Variants in FHIT observed in about 807,000 individuals in gnomAD.
FHIT encodes the protein bis(5'-adenosyl)-triphosphatase.
In FHIT, 19 loss-of-function variants were observed where a neutral mutation model predicts 17.9. The ratio of observed to expected loss-of-function variants is 1.06; its 90% CI spans 0.74 to 1.56. The LOEUF is 1.56. Ranked by LOEUF, FHIT falls within the 40% of genes most tolerant of loss-of-function variation. The pLI, the probability that FHIT is intolerant of heterozygous loss-of-function variation, is 0.00. For synonymous variants in FHIT, 81 were observed against 69.7 expected (o/e 1.16, Z -0.81); for missense variants, 248 against 189.2 (o/e 1.31, Z -1.82).
At chr3:60,392,786 G>T (rs1701283257) in intron 5 of FHIT, among the ~76,000 whole-genome samples, 1 of 152,162 alleles carries the variant, frequency 6.6e-6, no homozygotes, top group Non-Finnish European at 1.5e-5. Flanking sequence ...GGTGGAAATG[G>T]GTGGGGCCCA....
At chr3:59,886,334 C>G (rs1337213524) in intron 8 of FHIT, 2 of 152,212 alleles carry the variant, frequency 1.3e-5, no homozygotes, top group African/African-American at 4.8e-5. Context: ...GAATTAGGAC[C>G]AACTATTTAC....
At chr3:60,951,309 C>T (rs1388588825) in intron 3 of FHIT, among the ~76,000 whole-genome samples, 1 of 152,152 alleles carries the variant, frequency 6.6e-6, no homozygotes, top group Non-Finnish European at 1.5e-5. Flanking sequence ...CTTAGAGCTG[C>T]TTAACATTAT....
At chr3:60,818,169 G>A (rs1458453336) in intron 4 of FHIT, among the ~76,000 whole-genome samples, 1 of 151,868 alleles carries the variant, frequency 6.6e-6, no homozygotes, top group Non-Finnish European at 1.5e-5. Flanking sequence ...ATTATTTGTG[G>A]AGCATGGTTA....
chr3:60,616,358 C>T (rs1487576111), intron 4 of FHIT, among the ~76,000 whole-genome samples: 2 of 152,196 alleles, frequency 1.3e-5, no homozygotes, highest in African/African-American at 4.8e-5. Context: ...CAACATATTT[C>T]ATCACATTTT....
rs1383744537 is a variant in FHIT, at chr3:60,002,855, C to T, written c.279+8516G>A. On this transcript the variant is annotated intron_variant, in intron 7 of 9. Coordinates refer to ENST00000492590, the MANE Select transcript of FHIT (RefSeq NM_002012.4). ...AAGAATCAAGTCCAGGTCATCTAGA[C>T]CAAGAATCAAAATATATTTATAAAA... 8.6e-5 allele frequency among the ~76,000 whole-genome samples: 13 copies of T among 152,006 alleles called. 1 individual carries two copies. Among genetic ancestry groups the T allele is most frequent in the Admixed American group, 8.5e-4 (13 of 15,252 alleles).
chr3:59,930,731 G>T (rs184066668), intron 7 of FHIT, among the ~76,000 whole-genome samples: 8 of 152,296 alleles, frequency 5.3e-5, no homozygotes, highest in Admixed American at 5.2e-4. Context: ...GGAAACGTTG[G>T]GGGGTGGTAA....
At chr3:60,182,990 C>T (rs1702007197) in intron 5 of FHIT, among the ~76,000 whole-genome samples, 1 of 151,804 alleles carries the variant, frequency 6.6e-6, no homozygotes, top group Non-Finnish European at 1.5e-5. Context: ...CATGACAACT[C>T]CCCCTCTGCC....
chr3:60,361,934 T>G (rs570553082), intron 5 of FHIT, among the ~76,000 whole-genome samples: 1 of 152,024 alleles, frequency 6.6e-6, no homozygotes, highest in Admixed American at 6.6e-5. Flanking sequence ...ACAAAAAAAG[T>G]TTTCTCCTTC....
intron 3 of FHIT, among the ~76,000 whole-genome samples, chr3:60,881,497 CACATGGA>C (rs1704976496): frequency 6.6e-6 from 1 of 152,124 alleles, no homozygotes; most frequent in African/African-American, 2.4e-5. Context: ...TTTTCATCAG[CACATGGA>C]ACATCCTCAA....
chr3:60,507,367 G>A (rs935169520), intron 5 of FHIT, among the ~76,000 whole-genome samples: 1 of 152,194 alleles, frequency 6.6e-6, no homozygotes, highest in Non-Finnish European at 1.5e-5. Flanking sequence ...CATGTGGTGA[G>A]ATTAGAGAGA....
At chr3:60,646,361 C>G (rs1261341301) in intron 4 of FHIT, among the ~76,000 whole-genome samples, 5 of 152,056 alleles carry the variant, frequency 3.3e-5, no homozygotes, top group Admixed American at 6.6e-5. Flanking sequence ...CTGCCCATGT[C>G]CATTTGAAAA....
chr3:60,841,387 T>C (rs1702719896), intron 3 of FHIT, among the ~76,000 whole-genome samples: 1 of 152,224 alleles, frequency 6.6e-6, no homozygotes. Flanking sequence ...AGAATAATAG[T>C]CTTGGGATTC....
chr3:60,153,721 T>G (rs1349805450), intron 5 of FHIT, among the ~76,000 whole-genome samples: 2 of 152,190 alleles, frequency 1.3e-5, no homozygotes, highest in Non-Finnish European at 2.9e-5. Context: ...ATTTTAGGTC[T>G]GGCATTTTAT....
intron 5 of FHIT, among the ~76,000 whole-genome samples, chr3:60,211,417 AGATT>A (rs559702598): frequency 9.3e-4 from 141 of 152,238 alleles, no homozygotes; most frequent in African/African-American, 3.0e-3. Context: ...CTGGTTTTAT[AGATT>A]GATTCTGAAA....
intron 7 of FHIT, among the ~76,000 whole-genome samples, chr3:59,989,029 G>A (rs1180659036): frequency 6.6e-6 from 1 of 152,048 alleles, no homozygotes; most frequent in African/African-American, 2.4e-5. Flanking sequence ...GCAGTTTGGG[G>A]TAGGGATGAT....
chr3:60,905,066 A>G (rs1706334300), intron 3 of FHIT, among the ~76,000 whole-genome samples: 1 of 152,190 alleles, frequency 6.6e-6, no homozygotes, highest in South Asian at 2.1e-4. Context: ...ACTTATAATA[A>G]GAGAAAAGCA....
intron 4 of FHIT, among the ~76,000 whole-genome samples, chr3:60,695,119 G>T (rs1435049020): frequency 6.6e-6 from 1 of 152,130 alleles, no homozygotes; most frequent in Non-Finnish European, 1.5e-5. Flanking sequence ...GGTAGGCCGG[G>T]TGCTGTGGCT....
At chr3:60,593,030 C>A (rs1166495869) in intron 4 of FHIT, among the ~76,000 whole-genome samples, 2 of 152,114 alleles carry the variant, frequency 1.3e-5, no homozygotes, top group African/African-American at 2.4e-5. Context: ...CACAGACAGG[C>A]ATAAAGAGAA....
At chr3:59,852,488 C>A (rs897675370) in intron 8 of FHIT, among the ~76,000 whole-genome samples, 1 of 152,152 alleles carries the variant, frequency 6.6e-6, no homozygotes, top group Non-Finnish European at 1.5e-5. Flanking sequence ...CCCCACCAGA[C>A]TGGTACATTT....
Sources: gnomAD v4.1 joint callset for allele counts (sites outside exome capture counted in the v4.1 genomes callset) on GRCh38, gnomAD v4.1.1 for gene constraint, MANE v1.5 for transcripts, NCBI Gene and HGNC (gene_info 2026-07-23, HGNC 2026-07-21) for gene names.